MINK1: variants seen among roughly 807,000 people sequenced by gnomAD.
MINK1 encodes the protein misshapen like kinase 1.
MINK1 carries 46 observed loss-of-function variants against 178.4 expected under a neutral mutation model. That is an observed-to-expected ratio of 0.26 (90% CI 0.20 to 0.33). MINK1 has a LOEUF of 0.33. Among genes scored for constraint, MINK1 ranks in the 10% least tolerant of loss-of-function variants. The pLI, the probability that MINK1 is intolerant of heterozygous loss-of-function variation, is 1.00. For synonymous variants in MINK1, 797 were observed against 709.7 expected (o/e 1.12, Z -1.96); for missense variants, 1,366 against 1,814.9 (o/e 0.75, Z 4.49).
Position 4,892,766 on chromosome 17 carries a change from G to T in MINK1, c.2309G>T (p.Gly770Val). Residue 770 changes from glycine (G) to valine (V), a missense_variant and splice_region_variant, in exon 19 of 32, where the codon GGA (glycine) becomes GTA (valine). Around this residue, in one of 14 missense-constraint regions of MINK1, gnomAD observed 709 missense variants for 692.3 expected, o/e 1.02. Transcript: ENST00000355280. ...QAGSLERNRV[G>V]VSSKPDSSPV... ...GGCTCACTGGAGCGGAACCGCGTGG[G>T]AGGTATGTGAGCCAGGGCTGGGCAG... 1 of 1,602,826 alleles carries T rather than the reference G, an allele frequency of 6.2e-7. No homozygotes were observed. The highest frequency in any genetic ancestry group is 1.7e-5 in the Admixed American group (1 of 58,970).
chr17:4,850,542 C>T (rs563243882), intron 1 of MINK1, among the ~76,000 whole-genome samples: 16 of 129,486 alleles, frequency 1.2e-4, no homozygotes, highest in African/African-American at 4.3e-4. Context: ...TCTACCTGTT[C>T]TTCCTACAGC....
intron 15 of MINK1, 76 bp downstream of exon 15, chr17:4,891,200 G>GCGCGCGCACACA (rs781594150): frequency 1.8e-5 from 18 of 1,004,122 alleles, no homozygotes; most frequent in Non-Finnish European, 2.4e-5. Flanking sequence ...ACACACGCGC[G>GCGCGCGCACACA]CACACACACA....
chr17:4,862,017 C>T (rs900789623), intron 1 of MINK1, among the ~76,000 whole-genome samples: 3 of 152,122 alleles, frequency 2.0e-5, no homozygotes, highest in Non-Finnish European at 4.4e-5. Context: ...TGTGAGGCCG[C>T]CTAATTCTCA....
At chr17:4,845,449 C>A (rs945706969) in intron 1 of MINK1, among the ~76,000 whole-genome samples, 2 of 151,910 alleles carry the variant, frequency 1.3e-5, no homozygotes, top group African/African-American at 4.8e-5. Flanking sequence ...GAAATAAGGT[C>A]GTTTAGGGGA....
chr17:4,856,530 C>G (rs1913182792), intron 1 of MINK1, among the ~76,000 whole-genome samples: 1 of 152,102 alleles, frequency 6.6e-6, no homozygotes. Context: ...GAGGGTGGTT[C>G]CATCCAAGGA....
At chr17:4,870,695 C>T (rs7218264) in intron 1 of MINK1, among the ~76,000 whole-genome samples, 8,980 of 151,790 alleles carry the variant, frequency 0.059, 830 homozygotes, top group African/African-American at 0.2. Context: ...TGTGGTGGTG[C>T]GCACCTGTAG....
rs1228913727 is a variant in MINK1 at position 4,896,889 on chromosome 17, G to A, written c.3915+76G>A. 1 of 1,488,642 alleles carries A rather than the reference G, an allele frequency of 6.7e-7. No homozygotes were observed. The allele number at this position is 1,488,642 out of a possible 1,614,324, so 92.2% of individuals were successfully genotyped here. On this transcript the variant is annotated intron_variant, in intron 31 of 31. Transcript: ENST00000355280. This position sits in a 1 kb window ranked among gnomAD's most constrained non-coding sequence, Gnocchi z 4.6. ...CTAGGCCCCTGGGCAGAGTTCTGGG[G>A]AGAGGATGGTGGTGGTGGCTTCCTG...
At chr17:4,879,913 T>G (rs1967541482) in intron 2 of MINK1, among the ~76,000 whole-genome samples, 1 of 152,132 alleles carries the variant, frequency 6.6e-6, no homozygotes, top group Admixed American at 6.5e-5. Flanking sequence ...CTGTCCAGAG[T>G]TGGTGAGTCA....
At chr17:4,839,938 AATGTGTGT>A (rs1041523343) in intron 1 of MINK1, among the ~76,000 whole-genome samples, 11 of 102,288 alleles carry the variant, frequency 1.1e-4, no homozygotes, top group African/African-American at 3.8e-4. Flanking sequence ...ATTATTTATT[AATGTGTGT>A]GTGTGTGTGT....
chr17:4,859,813 AAAG>A, intron 1 of MINK1, among the ~76,000 whole-genome samples: 1 of 149,080 alleles, frequency 6.7e-6, no homozygotes, highest in Admixed American at 6.7e-5. Context: ...AAAAAAAAAA[AAAG>A]ATGCTGGCTA....
intron 1 of MINK1, among the ~76,000 whole-genome samples, chr17:4,872,376 C>T (rs908993890): frequency 2.6e-5 from 4 of 151,642 alleles, no homozygotes; most frequent in Non-Finnish European, 5.9e-5. Context: ...TGGTGCCTCA[C>T]CCCTGTAATC....
chr17:4,881,953 C>T (rs944763972), intron 4 of MINK1, among the ~76,000 whole-genome samples: 1 of 152,286 alleles, frequency 6.6e-6, no homozygotes, highest in African/African-American at 2.4e-5. Context: ...CAGGTCTCCC[C>T]TCCCAACAGC....
At chr17:4,882,434 C>T (rs1967787335) in intron 4 of MINK1, among the ~76,000 whole-genome samples, 1 of 152,324 alleles carries the variant, frequency 6.6e-6, no homozygotes, top group East Asian at 1.9e-4. Context: ...CATCTCCTGG[C>T]CTTGTTACTC....
At chr17:4,852,243 C>T (rs1912118186) in intron 1 of MINK1, among the ~76,000 whole-genome samples, 2 of 151,938 alleles carry the variant, frequency 1.3e-5, no homozygotes, top group African/African-American at 4.8e-5. Flanking sequence ...TAGATAACTG[C>T]TGCATTAAGG....
chr17:4,890,720 A>T lies in MINK1; in HGVS notation c.1551A>T (p.Pro517=), dbSNP rs1364924290. The T allele has an allele frequency of 9.7e-6, 15 of 1,547,684 alleles. No individual in the cohort carries two copies. Among genetic ancestry groups the T allele is most frequent in the Non-Finnish European group, 1.3e-5 (15 of 1,145,058 alleles). ...GGGGCATGAATCCCGCTGACAAACC[A>T]GCCTGGGCCCGAGAGGTACTCACTG... ...YGRGMNPADK[P]AWAREVEERT... Residue 517 remains proline (P), a synonymous_variant, in exon 14 of 32, where the codon CCA becomes CCT. Transcript: ENST00000355280.
At chr17:4,890,149 C>G (rs1168363527) in intron 13 of MINK1, 3 of 654,330 alleles carry the variant, frequency 4.6e-6, no homozygotes, top group Admixed American at 8.1e-5. Context: ...TTCTCCAACT[C>G]GCTGCTGCTG....
At chr17:4,857,456 T>TG (rs1913353015) in intron 1 of MINK1, 2 of 121,786 alleles carry the variant, frequency 1.6e-5, no homozygotes, top group East Asian at 2.1e-4. Flanking sequence ...GCAAAGATGC[T>TG]GGTTTTTTTT....
At chr17:4,870,114 G>A (rs1241216949) in intron 1 of MINK1, among the ~76,000 whole-genome samples, 7 of 150,814 alleles carry the variant, frequency 4.6e-5, no homozygotes, top group South Asian at 2.1e-4. Context: ...GGGTTTCACC[G>A]TGTAAGCCAG....
In MINK1 at chr17:4,880,886, C is replaced by T. The variant is rs138142152; in HGVS notation, c.124-98C>T. 3.1e-3 allele frequency: 3,850 copies of T among 1,229,104 alleles called. 78 individuals carry two copies. In the African/African-American group the frequency reaches 0.05, roughly 16 times the overall value. The allele number at this position is 1,229,104 out of a possible 1,614,324, so 76.1% of individuals were successfully genotyped here. On this transcript the variant is annotated intron_variant, in intron 2 of 31. Coordinates refer to ENST00000355280, the MANE Select transcript of MINK1 (RefSeq NM_153827.5). ...CTGCACTCTAGTCTGGGCGACAGAG[C>T]GAGACCCTGTCTCAAAAAAAAAAGC...
Sources: gnomAD v4.1 joint callset for allele counts (sites outside exome capture counted in the v4.1 genomes callset) on GRCh38, gnomAD v4.1.1 for gene constraint, gnomAD v4.1.1 regional missense constraint, Gnocchi (gnomAD v3.1) non-coding constraint, MANE v1.5 for transcripts, NCBI Gene and HGNC (gene_info 2026-07-23, HGNC 2026-07-21) for gene names.